The following MAML3 variants were observed in gnomAD, a reference collection of about 807,000 sequenced individuals.
MAML3 encodes mastermind-like protein 3.
In MAML3, 27 loss-of-function variants were observed where a neutral mutation model predicts 101.9. The ratio of observed to expected loss-of-function variants is 0.27; its 90% CI spans 0.20 to 0.37. MAML3 has a LOEUF of 0.37. Ranked by LOEUF, MAML3 falls within the 10% of genes least tolerant of loss-of-function variation. MAML3 has a pLI of 1.00. For synonymous variants in MAML3, 501 were observed against 555.9 expected (o/e 0.90, Z 1.39); for missense variants, 1,316 against 1,444.9 (o/e 0.91, Z 1.45).
chr4:140,034,810 A>G (rs1726958748), intron 1 of MAML3, among the ~76,000 whole-genome samples: 1 of 152,200 alleles, frequency 6.6e-6, no homozygotes, highest in Non-Finnish European at 1.5e-5. Flanking sequence ...TGCTTGTCTA[A>G]TTCCAGGAAG....
intron 2 of MAML3, among the ~76,000 whole-genome samples, chr4:139,852,405 T>TTTTTTTTTTTTTGTTGTTG (rs1731574590): frequency 1.4e-5 from 1 of 72,326 alleles, no homozygotes; most frequent in African/African-American, 5.6e-5. Flanking sequence ...AGAAGACTGT[T>TTTTTTTTTTTTTGTTGTTG]TTTTTTTTTT....
At chr4:139,872,878 G>A (rs1732041635) in intron 2 of MAML3, among the ~76,000 whole-genome samples, 1 of 151,974 alleles carries the variant, frequency 6.6e-6, no homozygotes, top group South Asian at 2.1e-4. Context: ...AGGAGTTTGA[G>A]ACCAGTCTGG....
chr4:140,104,082 T>C (rs1389869018), intron 1 of MAML3, among the ~76,000 whole-genome samples: 2 of 151,660 alleles, frequency 1.3e-5, no homozygotes, highest in East Asian at 3.9e-4. Flanking sequence ...GATGATCATC[T>C]GGTATTAAAA....
intron 1 of MAML3, among the ~76,000 whole-genome samples, chr4:139,921,998 T>C (rs566024611): frequency 1.3e-5 from 2 of 152,220 alleles, no homozygotes; most frequent in South Asian, 4.1e-4. Context: ...ATCGAACAAC[T>C]AAAAGGAAAA....
chr4:140,044,592 C>A (rs537035581), intron 1 of MAML3, among the ~76,000 whole-genome samples: 1 of 152,318 alleles, frequency 6.6e-6, no homozygotes, highest in South Asian at 2.1e-4. Context: ...GTGCTACCAG[C>A]GGCCTCAAAG....
chr4:139,964,350 A>C (rs1368038380), intron 1 of MAML3, among the ~76,000 whole-genome samples: 1 of 152,164 alleles, frequency 6.6e-6, no homozygotes, highest in Non-Finnish European at 1.5e-5. Flanking sequence ...AAAAAACCAA[A>C]CACCACATGG....
intron 1 of MAML3, among the ~76,000 whole-genome samples, chr4:139,922,492 G>T (rs1733147571): frequency 6.6e-6 from 1 of 152,132 alleles, no homozygotes; most frequent in Non-Finnish European, 1.5e-5. Flanking sequence ...TAATGCAATG[G>T]ATTGGTTTTC....
intron 1 of MAML3, among the ~76,000 whole-genome samples, chr4:140,023,088 A>C (rs933196012): frequency 1.3e-5 from 2 of 152,172 alleles, no homozygotes; most frequent in African/African-American, 4.8e-5. Context: ...TAATATATGG[A>C]ACCCAGGTTT....
intron 1 of MAML3, among the ~76,000 whole-genome samples, chr4:139,895,840 A>G (rs1560828916): frequency 1.3e-5 from 2 of 152,212 alleles, no homozygotes; most frequent in African/African-American, 4.8e-5. Flanking sequence ...TCAGCATGCC[A>G]CCTGATTGGA....
At position 139,999,058 on chromosome 4, in the gene MAML3, T is replaced by C. The variant is rs1734874226; in HGVS notation, c.469-108091A>G. Among the ~76,000 whole-genome samples, 2 of 152,220 alleles carry C rather than the reference T, an allele frequency of 1.3e-5. 1 individual carries two copies. Among genetic ancestry groups the C allele is most frequent in the South Asian group, 4.1e-4 (2 of 4,834 alleles). ...TCAGCCTATGCTTTCCACTAGACTC[T>C]TCCTCATCTCTTCGATGCATGTGCT... On this transcript the variant is annotated intron_variant, in intron 1 of 4. Transcript: ENST00000509479.
intron 1 of MAML3, among the ~76,000 whole-genome samples, chr4:140,125,448 A>G (rs1461489132): frequency 1.3e-5 from 2 of 152,200 alleles, no homozygotes; most frequent in Admixed American, 6.5e-5. Flanking sequence ...TAAAAAAGTA[A>G]TTTCAAAAAA....
At chr4:139,742,179 C>A (rs1193623481) in intron 2 of MAML3, among the ~76,000 whole-genome samples, 1 of 147,334 alleles carries the variant, frequency 6.8e-6, no homozygotes, top group Admixed American at 6.8e-5. Flanking sequence ...GAGAGAGTCT[C>A]GCTCTGTCAG....
intron 1 of MAML3, among the ~76,000 whole-genome samples, chr4:140,044,230 A>G (rs1727142405): frequency 6.6e-6 from 1 of 152,212 alleles, no homozygotes; most frequent in African/African-American, 2.4e-5. Context: ...ATATTGTCAA[A>G]ATACATTTCC....
At chr4:140,001,995 T>C (rs1734932422) in intron 1 of MAML3, among the ~76,000 whole-genome samples, 3 of 152,246 alleles carry the variant, frequency 2.0e-5, no homozygotes, top group Non-Finnish European at 2.9e-5. Context: ...ATGTATACAC[T>C]ATGCAATGGC....
intron 1 of MAML3, among the ~76,000 whole-genome samples, chr4:139,917,669 T>C (rs1261707147): frequency 6.6e-6 from 1 of 152,150 alleles, no homozygotes; most frequent in Non-Finnish European, 1.5e-5. Context: ...AAGGAGAAAC[T>C]TTTAAAAAAC....
intron 1 of MAML3, among the ~76,000 whole-genome samples, chr4:140,030,555 T>C (rs1214282578): frequency 6.6e-6 from 1 of 152,098 alleles, no homozygotes; most frequent in Non-Finnish European, 1.5e-5. Context: ...TTGTCCCATG[T>C]TTTTGTTTTT....
chr4:139,885,170 G>A, intron 2 of MAML3, among the ~76,000 whole-genome samples: 1 of 152,270 alleles, frequency 6.6e-6, no homozygotes, highest in African/African-American at 2.4e-5. Flanking sequence ...GGAAGCCAAG[G>A]CAGGAAGATC....
intron 1 of MAML3, among the ~76,000 whole-genome samples, chr4:140,073,563 T>C (rs1334083065): frequency 6.6e-6 from 1 of 152,070 alleles, no homozygotes; most frequent in East Asian, 1.9e-4. Flanking sequence ...GGCTGTGAGG[T>C]ATTGTGCCAG....
At chr4:139,991,994 G>T (rs531738611) in intron 1 of MAML3, among the ~76,000 whole-genome samples, 1 of 152,274 alleles carries the variant, frequency 6.6e-6, no homozygotes, top group Non-Finnish European at 1.5e-5. Flanking sequence ...GTCTCATCAT[G>T]CCTGTTAGGG....
Sources: allele counts gnomAD v4.1 joint callset (sites outside exome capture counted in the v4.1 genomes callset), GRCh38; gene constraint gnomAD v4.1.1; transcripts MANE v1.5; gene names NCBI Gene and HGNC (gene_info 2026-07-23, HGNC 2026-07-21).